The following DLGAP2 variants were observed in gnomAD, a reference collection of about 807,000 sequenced individuals.
DLGAP2 encodes the protein DLG associated protein 2.
In DLGAP2, 26 loss-of-function variants were observed where a neutral mutation model predicts 100.3. The ratio of observed to expected loss-of-function variants is 0.26; its 90% confidence interval spans 0.19 to 0.36. The LOEUF is 0.36. DLGAP2 is among the 10% of genes least tolerant of loss of function. The pLI is 1.00. For missense variants in DLGAP2, 1,858 were observed against 1,453.2 expected (o/e 1.28, Z -4.53); for synonymous variants, 886 against 630.1 (o/e 1.41, Z -6.08).
chr8:1,701,124 A>G (rs1253800914), intron 14 of DLGAP2, 64 bp from the exon 15 acceptor site: 5 of 1,467,470 alleles, frequency 3.4e-6, no homozygotes, highest in Non-Finnish European at 4.6e-6. Context: ...AGGGCCGCTG[A>G]GCTCGCGAGC....
intron 2 of DLGAP2, among the ~76,000 whole-genome samples, chr8:1,017,949 C>T (rs1801515951): frequency 6.6e-6 from 1 of 152,204 alleles, no homozygotes; most frequent in Non-Finnish European, 1.5e-5. Context: ...TGCTTGGGGC[C>T]ACTTTCCTAG....
intron 2 of DLGAP2, among the ~76,000 whole-genome samples, chr8:1,227,976 C>G (rs960843649): frequency 6.6e-6 from 1 of 151,824 alleles, no homozygotes; most frequent in East Asian, 1.9e-4. Context: ...CTATAGTAAC[C>G]GTTTTACTAT....
intron 2 of DLGAP2, among the ~76,000 whole-genome samples, chr8:1,224,338 A>C (rs777686047): frequency 2.6e-5 from 4 of 152,182 alleles, no homozygotes; most frequent in Admixed American, 6.5e-5. Flanking sequence ...AAGTAGGAAA[A>C]ATTTTCACTG....
chr8:1,168,300 G>A (rs1269532476), intron 2 of DLGAP2, among the ~76,000 whole-genome samples: 1 of 151,718 alleles, frequency 6.6e-6, no homozygotes, highest in East Asian at 1.9e-4. Context: ...ATTTGGGTTG[G>A]TTCCAAGTCT....
At chr8:932,038 T>C (rs1798971009) in intron 2 of DLGAP2, among the ~76,000 whole-genome samples, 1 of 152,230 alleles carries the variant, frequency 6.6e-6, no homozygotes. Context: ...GTGGAAATAT[T>C]CCCTTCTAGG....
chr8:894,373 C>T (rs970889854), intron 1 of DLGAP2, among the ~76,000 whole-genome samples: 5 of 152,140 alleles, frequency 3.3e-5, no homozygotes, highest in African/African-American at 1.2e-4. Flanking sequence ...GATGCTGAAT[C>T]TACCTGCGTG....
intron 2 of DLGAP2, among the ~76,000 whole-genome samples, chr8:983,258 C>A (rs1800391134): frequency 6.6e-6 from 1 of 152,000 alleles, no homozygotes; most frequent in African/African-American, 2.4e-5. Flanking sequence ...CCCTTAGAAT[C>A]CACGTGTTGG....
chr8:1,083,930 C>T (rs1364952741), intron 2 of DLGAP2, among the ~76,000 whole-genome samples: 1 of 152,116 alleles, frequency 6.6e-6, no homozygotes, highest in African/African-American at 2.4e-5. Context: ...AAAATCATAA[C>T]TTTTTAAAAA....
intron 2 of DLGAP2, among the ~76,000 whole-genome samples, chr8:1,169,507 T>C (rs1237463786): frequency 4.6e-5 from 7 of 152,188 alleles, no homozygotes; most frequent in South Asian, 2.1e-4. Context: ...ATTCTTCCTA[T>C]CCATGAGCAT....
Position 946,731 on chromosome 8 carries a change from C to A in DLGAP2, c.73+38765C>A, listed in dbSNP as rs866477908. Reference sequence around the variant, plus strand: ...CATGTTATCACTCTGAGTGTCAGGACTGAGTGCCATAGTGGTCTTGAGAAT... The same window carrying A: ...CATGTTATCACTCTGAGTGTCAGGAATGAGTGCCATAGTGGTCTTGAGAAT... On this transcript the variant is annotated intron_variant, in intron 2 of 14. Coordinates refer to ENST00000637795, the MANE Select transcript of DLGAP2 (RefSeq NM_001346810.2). 4.6e-5 allele frequency among the ~76,000 whole-genome samples: 7 copies of A among 152,226 alleles called. No homozygotes were observed. In the South Asian group the frequency reaches 1.0e-3, roughly 22 times the overall value.
At chr8:1,121,394 G>A (rs754997127) in intron 2 of DLGAP2, among the ~76,000 whole-genome samples, 2 of 149,760 alleles carry the variant, frequency 1.3e-5, no homozygotes, top group Non-Finnish European at 3.0e-5. Context: ...TAGAAACCCT[G>A]ACCACCCATC....
At chr8:1,624,869 G>A (rs79674352) in intron 6 of DLGAP2, among the ~76,000 whole-genome samples, 2 of 149,668 alleles carry the variant, frequency 1.3e-5, no homozygotes, top group Admixed American at 1.3e-4. Context: ...CTCTCTCTCT[G>A]TCTCTCTCTC....
At chr8:1,004,839 A>G (rs1351142166) in intron 2 of DLGAP2, among the ~76,000 whole-genome samples, 1 of 152,180 alleles carries the variant, frequency 6.6e-6, no homozygotes, top group Non-Finnish European at 1.5e-5. Flanking sequence ...TCAAGGCATT[A>G]TCATATGTTT....
chr8:748,621 T>G (rs552465270), intron 1 of DLGAP2, among the ~76,000 whole-genome samples: 1 of 152,256 alleles, frequency 6.6e-6, no homozygotes, highest in East Asian at 1.9e-4. Context: ...TAAAAAGTGC[T>G]TACATATATT....
At chr8:789,091 AAC>A (rs1291570178) in intron 1 of DLGAP2, among the ~76,000 whole-genome samples, 1 of 152,226 alleles carries the variant, frequency 6.6e-6, no homozygotes, top group Non-Finnish European at 1.5e-5. Flanking sequence ...TTGGACACAA[AAC>A]ACAGTCAGAG....
At chr8:1,641,020 C>G (rs574991674) in intron 8 of DLGAP2, among the ~76,000 whole-genome samples, 1 of 152,238 alleles carries the variant, frequency 6.6e-6, no homozygotes, top group Non-Finnish European at 1.5e-5. Flanking sequence ...GAGACCCAAG[C>G]TCTCCTGGCT....
intron 2 of DLGAP2, among the ~76,000 whole-genome samples, chr8:1,157,199 G>A (rs762938567): frequency 1.3e-5 from 2 of 152,050 alleles, no homozygotes; most frequent in African/African-American, 4.8e-5. Context: ...TGTGGGTTCC[G>A]TACCCCGTGT....
At chr8:1,565,322 T>A (rs1487256376) in intron 5 of DLGAP2, among the ~76,000 whole-genome samples, 1 of 151,920 alleles carries the variant, frequency 6.6e-6, no homozygotes, top group East Asian at 1.9e-4. Flanking sequence ...TTTTTCCTTT[T>A]CTTCTCTGTT....
chr8:868,015 A>T (rs1797530179), intron 1 of DLGAP2, among the ~76,000 whole-genome samples: 1 of 152,248 alleles, frequency 6.6e-6, no homozygotes, highest in South Asian at 2.1e-4. Flanking sequence ...TTCATCCATC[A>T]TGCATCCATT....
Sources: allele counts gnomAD v4.1 joint callset (sites outside exome capture counted in the v4.1 genomes callset), GRCh38; gene constraint gnomAD v4.1.1; transcripts MANE v1.5; gene names NCBI Gene and HGNC (gene_info 2026-07-23, HGNC 2026-07-21).